OBSL1: variants seen among roughly 807,000 people sequenced by gnomAD.
OBSL1 encodes obscurin like cytoskeletal adaptor 1, also known as obscurin-like protein 1.
Under a neutral mutation model 172.0 loss-of-function variants are expected in OBSL1, and 160 were observed. That is an observed-to-expected ratio of 0.93 (90% CI 0.82 to 1.06). The LOEUF (loss-of-function observed/expected upper bound fraction) is 1.06, where lower values mean the gene tolerates loss of function less well. Ranked by LOEUF, OBSL1 falls within the 50% of genes least tolerant of loss-of-function variation. The pLI, the probability that OBSL1 is intolerant of heterozygous loss-of-function variation, is 0.00. For synonymous variants in OBSL1, 1,200 were observed against 1,196.3 expected (o/e 1.00, Z -0.06); for missense variants, 2,681 against 2,715.4 (o/e 0.99, Z 0.28).
At chr2:219,551,046 T>C in intron 20 of OBSL1, 3 of 1,434,448 alleles carry the variant, frequency 2.1e-6, no homozygotes, top group Middle Eastern at 2.5e-4. Context: ...CTGAAGGGAA[T>C]GCTGGGATTT....
At position 219,568,010 on chromosome 2, in the gene OBSL1, A is replaced by C. The variant is rs773076571; in HGVS notation, c.1283-41T>G. The C allele has an allele frequency of 4.4e-6, 7 of 1,608,574 alleles. No individual in the cohort carries two copies. The highest frequency in any genetic ancestry group is 5.1e-6 in the Non-Finnish European group (6 of 1,175,920). On this transcript the variant is annotated intron_variant, in intron 2 of 20. Transcript: ENST00000404537. The surrounding 1 kb of genome is among the most constrained non-coding windows in gnomAD (Gnocchi z 4.1). ...GAATCCATCAACCTGGAATCTGAGC[A>C]CCTGCCTGCCTCCGCCTCAGCCTCT...
In OBSL1 at chr2:219,558,394, G is replaced by A. The variant is rs768636811; in HGVS notation, c.3292C>T (p.Arg1098Cys). 5.3e-5 allele frequency: 85 copies of A among 1,606,078 alleles called. No homozygotes were observed. Among genetic ancestry groups the A allele is most frequent in the Middle Eastern group, 1.7e-4 (1 of 6,032 alleles). ...SLDLHFGAPG[R>C]VELRCEVAPA... is the part of the protein sequence containing the mutation. Reference sequence around the variant, plus strand: ...GCCACCTCACAGCGCAGCTCCACGCGCCCTGGAGCCCCAAAATGCAGATCC... The same window carrying A: ...GCCACCTCACAGCGCAGCTCCACGCACCCTGGAGCCCCAAAATGCAGATCC... The change falls in exon 10 of 21, where the codon CGC (arginine) becomes TGC (cysteine). Residue 1098 changes from arginine to cysteine, a missense_variant. Transcript: ENST00000404537.
chr2:219,548,945 A>C, downstream of OBSL1: 1 of 593,782 alleles, frequency 1.7e-6, no homozygotes, highest in Non-Finnish European at 3.0e-6. Flanking sequence ...GCAACCTTCC[A>C]TAAAGACCTA....
rs774155373 is a variant in OBSL1, at chr2:219,553,547, T to C, written c.4989+27A>G. Reference sequence around the variant, plus strand: ...TATTATCGTTGGTGTTACACTGAAGTGGGCTTGGCTGGGGCTGGGATCTGA... The same window carrying C: ...TATTATCGTTGGTGTTACACTGAAGCGGGCTTGGCTGGGGCTGGGATCTGA... On this transcript the variant is annotated intron_variant, in intron 16 of 20. Transcript: ENST00000404537. The C allele has an allele frequency of 1.9e-6, 3 of 1,539,046 alleles. No individual in the cohort carries two copies. The East Asian group carries it at 6.8e-5, about 35-fold the overall frequency.
At position 219,557,616 on chromosome 2, in the gene OBSL1, G is replaced by A. The variant is rs1278650927; in HGVS notation, c.3793C>T (p.Pro1265Ser). Residue 1265 changes from proline to serine, a missense_variant and splice_region_variant, in exon 12 of 21, where the codon CCC becomes TCC. Pro to Ser is a moderately conservative substitution (Grantham distance 74). Around this residue, in one of 5 missense-constraint regions of OBSL1, gnomAD observed 1,765 missense variants for 1,748.3 expected, o/e 1.01. Coordinates refer to ENST00000404537, the MANE Select transcript of OBSL1 (RefSeq NM_015311.3). ...TCGGGAGCTACCACCCGCACAGGGG[G>A]CTCTGTGGAGTCAGAGCTGGAGGTC... Reference protein sequence around the residue: ...SLSFTVQVAEPPVRVVAPEAA... With the variant: ...SLSFTVQVAESPVRVVAPEAA... The A allele has an allele frequency of 6.5e-7, 1 of 1,535,456 alleles. No homozygotes were observed. The highest frequency in any genetic ancestry group is 8.8e-7 in the Non-Finnish European group (1 of 1,137,644).
chr2:219,551,701 GC>G lies in OBSL1; in HGVS notation c.5510del (p.Gly1837AlafsTer57), dbSNP rs755333275. The G allele has an allele frequency of 1.4e-5, 23 of 1,610,566 alleles. No individual in the cohort carries two copies. The African/African-American group carries it at 2.5e-4, about 18-fold the overall frequency. The part of the protein sequence containing the change: ...VLEVTVSRSG[G>X]HVCWLREGAE... ...CCCCCTCCCGCAGCCAGCACACGTGGCCCCCCGAGCGGGACACAGTCACCTC... is the reference window on the plus strand; with the variant it reads ...CCCCCTCCCGCAGCCAGCACACGTGGCCCCCGAGCGGGACACAGTCACCTC... On this transcript the variant is annotated frameshift_variant, in exon 20 of 21. Coordinates refer to ENST00000404537, the MANE Select transcript of OBSL1 (RefSeq NM_015311.3). LOFTEE classifies it high-confidence loss of function.
In OBSL1 at chr2:219,556,462, T is replaced by G; in HGVS notation, c.4328A>C (p.His1443Pro). 2 of 1,613,766 alleles carry G rather than the reference T, an allele frequency of 1.2e-6. No individual in the cohort carries two copies. The highest frequency in any genetic ancestry group is 8.5e-7 in the Non-Finnish European group (1 of 1,179,876). The change falls in exon 13 of 21, where the codon CAT becomes CCT. Residue 1443 changes from histidine (H) to proline (P), a missense_variant. Coordinates refer to ENST00000404537, the MANE Select transcript of OBSL1 (RefSeq NM_015311.3). ...CCTCATCAGGACCTAACCTCGAACA[T>G]GGAGCCGGGCACTTGTGGCCGTGCT... ...AGSTATSARL[H>P]VRETELLFLR... is the part of the protein sequence containing the mutation.
rs1696008089 is a variant in OBSL1, at chr2:219,556,402, T to C, written c.4336+52A>G. ...AGAGGCAAGGCTGCTGGAATCCTGG[T>C]TGGGAGTACAGGCACGGGACACAGA... On this transcript the variant is annotated intron_variant, in intron 13 of 20. Transcript: ENST00000404537. 3.7e-6 allele frequency: 6 copies of C among 1,603,196 alleles called. No homozygotes were observed. In the Admixed American group the frequency reaches 8.4e-5, roughly 22 times the overall value.
At position 219,552,652 on chromosome 2, in the gene OBSL1, C is replaced by G. The variant is rs1298874283; in HGVS notation, c.5192G>C (p.Arg1731Pro). The change falls in exon 18 of 21, where the codon CGC (arginine) becomes CCC (proline). Residue 1731 changes from arginine to proline, a missense_variant. Coordinates refer to ENST00000404537, the MANE Select transcript of OBSL1 (RefSeq NM_015311.3). Reference sequence around the variant, plus strand: ...CTCGAACGTAGCGCCGTCGCCTTCGCGGGCGCTCACCGACCGCAGCTCGGA... The same window carrying G: ...CTCGAACGTAGCGCCGTCGCCTTCGGGGGCGCTCACCGACCGCAGCTCGGA... ...VLSELRSVSA[R>P]EGDGATFECT... is the part of the protein sequence containing the mutation. 1 of 1,544,766 alleles carries G rather than the reference C, an allele frequency of 6.5e-7. No homozygotes were observed. The highest frequency in any genetic ancestry group is 2.4e-5 in the East Asian group (1 of 41,598).
chr2:219,561,347 C>A (rs967875003), intron 8 of OBSL1, among the ~76,000 whole-genome samples: 2 of 152,080 alleles, frequency 1.3e-5, no homozygotes, highest in African/African-American at 4.8e-5. Context: ...GCCGTCACCC[C>A]GAGGTCTCCG....
rs1427509294 is a variant in OBSL1 at position 219,552,131 on chromosome 2, C to T, written c.5394G>A (p.Leu1798=). Residue 1798 remains leucine, a synonymous_variant, in exon 19 of 21, where the codon CTG becomes CTA. Transcript: ENST00000404537. ...VRFQAGPAQS[L]ALLEVEALPL... is the part of the protein sequence containing the mutation. ...GCTTACCCTCCACTTCCAGTAGAGC[C>T]AGGGACTGGGCGGGCCCCGCCTGGA... 4 of 1,611,050 alleles carry T rather than the reference C, an allele frequency of 2.5e-6. No homozygotes were observed. The highest frequency in any genetic ancestry group is 3.4e-6 in the Non-Finnish European group (4 of 1,179,082).
intron 14 of OBSL1, chr2:219,555,134 G>C (rs915209643): frequency 1.8e-5 from 4 of 222,180 alleles, no homozygotes; most frequent in African/African-American, 9.0e-5. Context: ...AGTTGCCCCA[G>C]CTGTACAAGG....
In OBSL1 at chr2:219,571,151, C is replaced by G. The variant is rs555031073; in HGVS notation, c.82G>C (p.Glu28Gln). 29 of 1,487,624 alleles carry G rather than the reference C, an allele frequency of 1.9e-5. No homozygotes were observed. The highest frequency in any genetic ancestry group is 2.5e-5 in the Non-Finnish European group (28 of 1,123,238). The allele number at this position is 1,487,624 out of a possible 1,614,324, so 92.2% of individuals were successfully genotyped here. Residue 28 changes from glutamate to glutamine, a missense_variant, in exon 1 of 21, where the codon GAG (glutamate) becomes CAG (glutamine). Transcript: ENST00000404537. Reference protein sequence around the residue: ...PRPVRVVSGAEAELKCVVLGE... With the variant: ...PRPVRVVSGAQAELKCVVLGE... The stretch of plus-strand genomic sequence containing the variant: ...AGGACCACGCACTTGAGCTCGGCCT[C>G]GGCGCCACTTACCACCCGCACAGGC...
intron 6 of OBSL1, among the ~76,000 whole-genome samples, chr2:219,564,291 G>C (rs531749731): frequency 1.3e-5 from 2 of 152,218 alleles, no homozygotes; most frequent in Non-Finnish European, 2.9e-5. Flanking sequence ...CCTACGGACT[G>C]CCTTGTGAGA....
chr2:219,561,153 G>A (rs1696434537), intron 8 of OBSL1, among the ~76,000 whole-genome samples: 2 of 152,152 alleles, frequency 1.3e-5, no homozygotes, highest in African/African-American at 4.8e-5. Context: ...TGGGGTGCAA[G>A]GAGCAGGGGG....
chr2:219,556,336 G>T, intron 13 of OBSL1, 44 bp from the exon 14 acceptor site: 1 of 1,568,912 alleles, frequency 6.4e-7, no homozygotes, highest in East Asian at 2.3e-5. Flanking sequence ...GGGGTTGGAG[G>T]CTGGCCCCTT....
downstream of OBSL1, chr2:219,548,223 T>C (rs1346364920): frequency 6.4e-6 from 5 of 781,120 alleles, no homozygotes; most frequent in Non-Finnish European, 7.8e-6. Flanking sequence ...TCTGGGAGGA[T>C]AGCACCCAGG....
chr2:219,557,436 C>A lies in OBSL1; in HGVS notation c.3973G>T (p.Val1325Leu), dbSNP rs1696104848. 6.5e-7 allele frequency: 1 copy of A among 1,548,430 alleles called. No homozygotes were observed. The highest frequency in any genetic ancestry group is 8.7e-7 in the Non-Finnish European group (1 of 1,146,908). Residue 1325 changes from valine (V) to leucine (L), a missense_variant, in exon 12 of 21, where the codon GTG becomes TTG. This residue lies in a region of OBSL1 where 1,765 missense variants were observed against 1,748.3 expected (regional missense o/e 1.01). Coordinates refer to ENST00000404537, the MANE Select transcript of OBSL1 (RefSeq NM_015311.3). ...VQLEQAGARQVLRVQGARSGD... is the reference protein window; with the variant it reads ...VQLEQAGARQLLRVQGARSGD... ...CTCCGTGCCCCCTGCACCCGCAGCA[C>A]CTGCCTGGCCCCGGCCTGCTCCAGC...
chr2:219,549,230 A>G (rs775361640), downstream of OBSL1: 1 of 1,614,020 alleles, frequency 6.2e-7, no homozygotes, highest in Admixed American at 1.7e-5. Flanking sequence ...AAAAGGCGGA[A>G]AAAGAGACCT....
Sources: allele counts gnomAD v4.1 joint callset (sites outside exome capture counted in the v4.1 genomes callset), GRCh38; gene constraint gnomAD v4.1.1; regional missense constraint gnomAD v4.1.1; non-coding constraint Gnocchi (gnomAD v3.1); transcripts MANE v1.5; gene names NCBI Gene and HGNC (gene_info 2026-07-23, HGNC 2026-07-21).